The following LUZP2 variants were observed in gnomAD, a reference collection of about 807,000 sequenced individuals.
LUZP2 encodes the protein leucine zipper protein 2.
In LUZP2, 52 loss-of-function variants were observed where a neutral mutation model predicts 51.6. The observed-to-expected ratio is 1.01, with a 90% confidence interval of 0.81 to 1.27. The LOEUF is 1.27. Among genes scored for constraint, LUZP2 ranks in the 50% most tolerant of loss-of-function variants. The pLI is 0.00. For synonymous variants in LUZP2, 154 were observed against 137.3 expected, an observed-to-expected ratio of 1.12 and a Z score of -0.85; for missense variants, 436 against 395.4, an observed-to-expected ratio of 1.10 and a Z score of -0.87.
intron 1 of LUZP2, among the ~76,000 whole-genome samples, chr11:24,670,202 C>T (rs960560542): frequency 5.3e-5 from 8 of 151,984 alleles, no homozygotes; most frequent in Admixed American, 2.0e-4. Flanking sequence ...GAAAACAAGA[C>T]TCAAGTTGCA....
intron 9 of LUZP2, among the ~76,000 whole-genome samples, chr11:25,011,771 G>A (rs556685442): frequency 7.9e-5 from 12 of 151,988 alleles, no homozygotes; most frequent in Non-Finnish European, 1.2e-4. Flanking sequence ...CATAGATTGT[G>A]TAATGATCAA....
intron 1 of LUZP2, among the ~76,000 whole-genome samples, chr11:24,718,769 A>G (rs1251191481): frequency 6.6e-6 from 1 of 152,210 alleles, no homozygotes; most frequent in Admixed American, 6.5e-5. Flanking sequence ...CTAAGGATTG[A>G]AGAGACTGAC....
At chr11:25,001,844 CCTCT>C (rs375653630) in intron 9 of LUZP2, among the ~76,000 whole-genome samples, 87 of 151,492 alleles carry the variant, frequency 5.7e-4, no homozygotes, top group African/African-American at 2.0e-3. Context: ...TCTGTTTCTT[CCTCT>C]CTCTCTCTGA....
chr11:24,626,993 T>G (rs983133457), intron 1 of LUZP2, among the ~76,000 whole-genome samples: 1 of 152,192 alleles, frequency 6.6e-6, no homozygotes, highest in African/African-American at 2.4e-5. Context: ...AGGGCAAGTC[T>G]GTATGCTTTG....
At chr11:24,642,414 A>G (rs956692352) in intron 1 of LUZP2, among the ~76,000 whole-genome samples, 2 of 151,700 alleles carry the variant, frequency 1.3e-5, no homozygotes, top group Admixed American at 1.3e-4. Flanking sequence ...ATCATACTTA[A>G]TATCATGTCC....
intron 1 of LUZP2, among the ~76,000 whole-genome samples, chr11:24,606,332 C>A (rs11028060): frequency 0.022 from 3,267 of 151,900 alleles, 74 homozygotes; most frequent in South Asian, 0.095. Flanking sequence ...AATGATCTTG[C>A]CCAGCTGTAG....
At chr11:25,064,961 C>A (rs1439656077) in intron 10 of LUZP2, among the ~76,000 whole-genome samples, 1 of 151,992 alleles carries the variant, frequency 6.6e-6, no homozygotes, top group East Asian at 1.9e-4. Flanking sequence ...GCATTTAAAA[C>A]CATAATCATA....
intron 6 of LUZP2, among the ~76,000 whole-genome samples, chr11:24,909,482 A>G (rs1853557867): frequency 6.6e-6 from 1 of 151,336 alleles, no homozygotes. Flanking sequence ...CTTGATATTC[A>G]TCAACATTAT....
chr11:24,863,743 C>T (rs926512366), intron 5 of LUZP2, among the ~76,000 whole-genome samples: 28 of 152,076 alleles, frequency 1.8e-4, no homozygotes, highest in African/African-American at 3.6e-4. Context: ...TATAAAAACA[C>T]GTCCCCAGAA....
At chr11:24,565,984 T>A (rs1274762925) in intron 1 of LUZP2, among the ~76,000 whole-genome samples, 2 of 151,956 alleles carry the variant, frequency 1.3e-5, no homozygotes, top group Non-Finnish European at 2.9e-5. Context: ...ACTATCAGTA[T>A]CCATAAATAT....
chr11:24,590,256 G>A (rs774324753), intron 1 of LUZP2, among the ~76,000 whole-genome samples: 18 of 152,202 alleles, frequency 1.2e-4, no homozygotes, highest in Non-Finnish European at 1.8e-4. Flanking sequence ...TGCCTATCAA[G>A]TATAGGGTTT....
chr11:25,033,354 T>C (rs969249420), intron 9 of LUZP2, among the ~76,000 whole-genome samples: 19 of 152,194 alleles, frequency 1.2e-4, no homozygotes, highest in Non-Finnish European at 4.4e-5. Flanking sequence ...GTACAGTTAG[T>C]GACCATTTAG....
chr11:24,550,206 G>A (rs1267214790), intron 1 of LUZP2, among the ~76,000 whole-genome samples: 1 of 152,020 alleles, frequency 6.6e-6, no homozygotes, highest in African/African-American at 2.4e-5. Context: ...AAATGTCAGT[G>A]TGTTAGAAAT....
At chr11:24,923,102 C>T (rs1854121495) in intron 7 of LUZP2, among the ~76,000 whole-genome samples, 2 of 151,942 alleles carry the variant, frequency 1.3e-5, no homozygotes, top group Admixed American at 1.3e-4. Context: ...CCTGCTTCGG[C>T]CTCCCAAAGT....
At chr11:24,982,399 A>T (rs968831828) in intron 8 of LUZP2, among the ~76,000 whole-genome samples, 2 of 151,916 alleles carry the variant, frequency 1.3e-5, no homozygotes, top group Non-Finnish European at 2.9e-5. Flanking sequence ...AATATGTGAC[A>T]CATATACACC....
intron 4 of LUZP2, among the ~76,000 whole-genome samples, chr11:24,751,190 C>T (rs1383815317): frequency 1.3e-5 from 2 of 152,004 alleles, no homozygotes; most frequent in African/African-American, 4.8e-5. Flanking sequence ...GCTAAAAAAT[C>T]ATAGCAGTTA....
chr11:24,826,190 A>AAAAATATATATATATATAT (rs1215786412), intron 5 of LUZP2, among the ~76,000 whole-genome samples: 10 of 67,550 alleles, frequency 1.5e-4, no homozygotes, highest in African/African-American at 4.1e-4. Context: ...AAAAAAAAAA[A>AAAAATATATATATATATAT]ATATATATAT....
chr11:24,538,267 A>G (rs913863803), intron 1 of LUZP2, among the ~76,000 whole-genome samples: 1 of 152,016 alleles, frequency 6.6e-6, no homozygotes, highest in Middle Eastern at 3.4e-3. Context: ...ACACCTGTAA[A>G]AGAATGGATT....
At chr11:25,073,409 A>C (rs1329128157) in intron 10 of LUZP2, among the ~76,000 whole-genome samples, 2 of 152,178 alleles carry the variant, frequency 1.3e-5, no homozygotes, top group Admixed American at 1.3e-4. Context: ...CCCTGTGTGG[A>C]GGAAGTGCTG....
Sources: gnomAD v4.1 joint callset for allele counts (sites outside exome capture counted in the v4.1 genomes callset) on GRCh38, gnomAD v4.1.1 for gene constraint, MANE v1.5 for transcripts, NCBI Gene and HGNC (gene_info 2026-07-23, HGNC 2026-07-21) for gene names.